The following GPKOW variants were observed in gnomAD, a reference collection of about 807,000 sequenced individuals.
The protein encoded by GPKOW is G-patch domain and KOW motifs-containing protein.
For synonymous variants in GPKOW, 167 were observed against 159.1 expected (o/e 1.05, Z -0.37); for missense variants, 359 against 404.7 (o/e 0.89, Z 0.97).
intron 3 of GPKOW, among the ~76,000 whole-genome samples, chrX:49,121,872 C>G (rs1261351867): frequency 8.9e-6 from 1 of 112,089 alleles, no homozygotes; most frequent in Non-Finnish European, 1.9e-5. Flanking sequence ...CTGGACTACT[C>G]ATCCCCTTGC....
chrX:49,116,577 A>G (rs1454237932), intron 6 of GPKOW, among the ~76,000 whole-genome samples: 2 of 110,996 alleles, frequency 1.8e-5, no homozygotes, highest in Non-Finnish European at 3.8e-5. Flanking sequence ...ATGCTCACCT[A>G]GTGTGGACTA....
At chrX:49,123,401 C>T (rs1602566329) in intron 1 of GPKOW, 146 bp downstream of exon 1, 1 of 594,638 alleles carries the variant, frequency 1.7e-6, no homozygotes, top group South Asian at 3.3e-5. Context: ...CTCCTATAAA[C>T]TCCCGCCTTC....
At chrX:49,114,015 T>A (rs1602560630) in intron 9 of GPKOW, 77 bp from the exon 10 acceptor site, 1 of 672,872 alleles carries the variant, frequency 1.5e-6, no homozygotes, top group East Asian at 3.3e-5. Flanking sequence ...GGGCCTTTCC[T>A]GGCCAGGCGT....
Position 49,115,519 on chromosome X carries a change from AAAG to A in GPKOW, c.1210+204_1210+206del, listed in dbSNP as rs1411353488. Among the ~76,000 whole-genome samples, 12 of 92,894 alleles carry A rather than the reference AAAG, an allele frequency of 1.3e-4. 2 individuals are homozygous for A. Among genetic ancestry groups the A allele is most frequent in the South Asian group, 5.6e-4 (1 of 1,782 alleles). 80.7% of individuals were successfully genotyped at this position (92,894 alleles called of 115,157 possible). On this transcript the variant is annotated intron_variant, in intron 9 of 10. Transcript: ENST00000156109. ...GAGACTCTGTCTCAAAAAAAAAAAA[AAAG>A]AAAAAAAAGAAAACTTGACAGACTG...
chrX:49,117,721 C>A lies in GPKOW; in HGVS notation c.656G>T (p.Gly219Val). 1 of 1,209,183 alleles carries A rather than the reference C, an allele frequency of 8.3e-7. No individual in the cohort carries two copies. Among genetic ancestry groups the A allele is most frequent in the Non-Finnish European group, 1.1e-6 (1 of 893,202 alleles). The stretch of plus-strand genomic sequence containing the variant: ...ATCTGGTCTTGGCATGCGGGAGGGG[C>A]CAGTGGGGGTCAAGGCCTGGGCCTC... ...LTEAQALTPT[G>V]PSRMPRPDEE... Residue 219 changes from glycine (G) to valine (V), a missense_variant, in exon 5 of 11, where the codon GGC (glycine) becomes GTC (valine). Transcript: ENST00000156109.
chrX:49,122,446 T>A lies in GPKOW; in HGVS notation c.408A>T (p.Gly136=). ...PTLAIPMIQK[G]CTPSGEGADS... Reference sequence around the variant, plus strand: ...CTGCCCCTTCCCCGCTGGGGGTGCATCCTTTCTGGATCATGGGGATAGCGA... The same window carrying A: ...CTGCCCCTTCCCCGCTGGGGGTGCAACCTTTCTGGATCATGGGGATAGCGA... Residue 136 remains glycine, a synonymous_variant, in exon 3 of 11, where the codon GGA becomes GGT. Coordinates refer to ENST00000156109, the MANE Select transcript of GPKOW (RefSeq NM_015698.6). 1 of 1,190,806 alleles carries A rather than the reference T, an allele frequency of 8.4e-7. No individual in the cohort carries two copies.
intron 3 of GPKOW, among the ~76,000 whole-genome samples, chrX:49,121,782 C>T (rs868950533): frequency 3.6e-5 from 4 of 110,967 alleles, no homozygotes; most frequent in Non-Finnish European, 5.7e-5. Context: ...AACAGGAGTA[C>T]TCACTCTGTT....
chrX:49,122,225 A>G, intron 3 of GPKOW, among the ~76,000 whole-genome samples, 173 bp downstream of exon 3: 1 of 110,839 alleles, frequency 9.0e-6, no homozygotes, highest in Non-Finnish European at 1.9e-5. Context: ...GTACGTTTTT[A>G]GCATCCAGAT....
chrX:49,117,912 A>ATTTTC (rs2065199549), intron 4 of GPKOW, 102 bp from the exon 5 acceptor site: 4 of 416,858 alleles, frequency 9.6e-6, no homozygotes, highest in South Asian at 5.2e-5. Flanking sequence ...CCCCATTGAC[A>ATTTTC]TTTTCTTTTC....
At chrX:49,114,071 G>A (rs2065181886) in intron 9 of GPKOW, 133 bp from the exon 10 acceptor site, 1 of 471,960 alleles carries the variant, frequency 2.1e-6, no homozygotes, top group South Asian at 3.0e-5. Flanking sequence ...GCTAAGTTGG[G>A]AGGATCGCTT....
In GPKOW at chrX:49,115,919, T is replaced by C; in HGVS notation, c.1112A>G (p.Tyr371Cys). The part of the protein sequence containing the change: ...DLRVRFVDNM[Y>C]KGGQYYNTKM... ...GGTGTTGTAATATTGGCCTCCTTTG[T>C]ACATGTTGTCCACAAACCGCACACG... is the stretch of plus-strand genomic sequence containing the variant. The change falls in exon 8 of 11, where the codon TAC (tyrosine) becomes TGC (cysteine). Residue 371 changes from tyrosine (Y) to cysteine (C), a missense_variant. By Grantham distance (194) the Tyr-to-Cys change is radical. Coordinates refer to ENST00000156109, the MANE Select transcript of GPKOW (RefSeq NM_015698.6). 8.3e-7 allele frequency: 1 copy of C among 1,211,041 alleles called. No homozygotes were observed. The highest frequency in any genetic ancestry group is 1.1e-6 in the Non-Finnish European group (1 of 894,813).
intron 3 of GPKOW, among the ~76,000 whole-genome samples, chrX:49,120,628 G>A (rs2065210108): frequency 9.0e-6 from 1 of 110,840 alleles, no homozygotes; most frequent in Non-Finnish European, 1.9e-5. Flanking sequence ...TATGGGGCAC[G>A]AAATAAAGAG....
rs151311007 is a variant in GPKOW at position 49,113,960 on chromosome X, G to C, written c.1211-22C>G. The C allele has an allele frequency of 2.1e-3, 2,336 of 1,093,155 alleles. 37 individuals are homozygous for C. The African/African-American group carries it at 0.037, about 17-fold the overall frequency. 90.1% of individuals were successfully genotyped at this position (1,093,155 alleles called of 1,213,427 possible). ...AGGCCTATGGATAAGGGAGAGGGGA[G>C]TGAGGCCCACAGCAAGGACCAGCCC... On this transcript the variant is annotated intron_variant, in intron 9 of 10. Coordinates refer to ENST00000156109, the MANE Select transcript of GPKOW (RefSeq NM_015698.6).
Position 49,113,894 on chromosome X carries a change from C to T in GPKOW, c.1255G>A (p.Gly419Ser), listed in dbSNP as rs1039479969. The T allele has an allele frequency of 8.3e-7, 1 of 1,207,498 alleles. No individual in the cohort carries two copies. The highest frequency in any genetic ancestry group is 2.2e-5 in the Admixed American group (1 of 45,572). ...CCCAGCACCACCATCACACGGTCAC[C>T]CTCTGCCTTGGGAACCAGGGTCTCC... Reference protein sequence around the residue: ...MLETLVPKAEGDRVMVVLGPQ... With the variant: ...MLETLVPKAESDRVMVVLGPQ... The change falls in exon 10 of 11, where the codon GGT (glycine) becomes AGT (serine). Residue 419 changes from glycine (G) to serine (S), a missense_variant. Physicochemically the swap from Gly to Ser is moderately conservative, Grantham distance 56. Transcript: ENST00000156109.
At chrX:49,114,654 T>G (rs2147838977) in intron 9 of GPKOW, among the ~76,000 whole-genome samples, 1 of 93,703 alleles carries the variant, frequency 1.1e-5, no homozygotes. Context: ...CAGCTGGGTG[T>G]GGTGGCTCAT....
intron 4 of GPKOW, among the ~76,000 whole-genome samples, chrX:49,119,337 G>A (rs111658153): frequency 0.016 from 1,718 of 110,207 alleles, 24 homozygotes; most frequent in Non-Finnish European, 0.024. Context: ...TCAAACTCCT[G>A]GAGTTAAGTG....
rs146336687 is a variant in GPKOW at position 49,122,699 on chromosome X, C to T, written c.254G>A (p.Arg85Gln). The T allele has an allele frequency of 7.9e-4, 954 of 1,208,826 alleles. 1 individual carries two copies. The highest frequency in any genetic ancestry group is 1.0e-3 in the Non-Finnish European group (893 of 893,739). The part of the protein sequence containing the change: ...QNGHRRQPPA[R>Q]PPGPSTDTGA... ...AGTATCTGTGGATGGCCCAGGGGGC[C>T]GGGCTGGTGGCTGCCTGCGATGGCC... The change falls in exon 2 of 11, where the codon CGG becomes CAG. Residue 85 changes from arginine (R) to glutamine (Q), a missense_variant. Coordinates refer to ENST00000156109, the MANE Select transcript of GPKOW (RefSeq NM_015698.6).
chrX:49,115,653 C>T, intron 9 of GPKOW, 73 bp downstream of exon 9: 1 of 905,311 alleles, frequency 1.1e-6, no homozygotes, highest in Non-Finnish European at 1.6e-6. Flanking sequence ...AACCTCCCAG[C>T]TTTGCCTGGG....
At chrX:49,122,364 G>A in intron 3 of GPKOW, 34 bp downstream of exon 3, 2 of 1,099,955 alleles carry the variant, frequency 1.8e-6, no homozygotes. Flanking sequence ...GCAAAGAAAG[G>A]CTGGGGCAGG....
Sources: gnomAD v4.1 joint callset for allele counts (sites outside exome capture counted in the v4.1 genomes callset) on GRCh38, gnomAD v4.1.1 for gene constraint, MANE v1.5 for transcripts, NCBI Gene and HGNC (gene_info 2026-07-23, HGNC 2026-07-21) for gene names.